The following CEP104 variants were observed in gnomAD, a reference collection of about 807,000 sequenced individuals.
CEP104 encodes the protein centrosomal protein of 104 kDa.
CEP104 carries 84 observed loss-of-function variants against 113.3 expected under a neutral mutation model. That is an observed-to-expected ratio of 0.74 (90% CI 0.62 to 0.89). The LOEUF (loss-of-function observed/expected upper bound fraction) is 0.89. CEP104 is among the 40% of genes least tolerant of loss of function. The probability of loss-of-function intolerance (pLI) is 0.00; values close to 1 mark genes in which losing one functional copy is unlikely to be tolerated. For missense variants in CEP104, 1,053 were observed against 1,156.6 expected, an observed-to-expected ratio of 0.91 and a Z score of 1.30; for synonymous variants, 378 against 421.7, an observed-to-expected ratio of 0.90 and a Z score of 1.27.
Position 3,819,254 on chromosome 1 carries a change from T to G in CEP104, c.2572-2884A>C, listed in dbSNP as rs979583114. Among the ~76,000 whole-genome samples, 1 of 152,124 alleles carries G rather than the reference T, an allele frequency of 6.6e-6. No individual in the cohort carries two copies. The highest frequency in any genetic ancestry group is 2.4e-5 in the African/African-American group (1 of 41,412). ...TGTCTGATTCCATTTACAGGAAATG[T>G]CCACAGTAGGCAAATCCATGGAGAC... On this transcript the variant is annotated intron_variant, in intron 20 of 21. Coordinates refer to ENST00000378230, the MANE Select transcript of CEP104 (RefSeq NM_014704.4). The surrounding 1 kb of genome is among the most constrained non-coding windows in gnomAD (Gnocchi z 4.6).
In CEP104 at chr1:3,813,608, T is replaced by C. The variant is rs1190931772; in HGVS notation, c.*1794A>G. The C allele has an allele frequency of 6.7e-6, 1 of 148,690 alleles. No individual in the cohort carries two copies. The highest frequency in any genetic ancestry group is 1.5e-5 in the Non-Finnish European group (1 of 67,254). The allele number at this position is 148,690 out of a possible 1,614,324, so 9.2% of individuals were successfully genotyped here. ...GCTCACGCCTGTAATCCCAGCACTT[T>C]GGGAGGCCAAGGTGGGCAGATTATG... On this transcript the variant is annotated 3_prime_UTR_variant, in exon 22 of 22. Coordinates refer to ENST00000378230, the MANE Select transcript of CEP104 (RefSeq NM_014704.4).
intron 14 of CEP104, 198 bp from the exon 15 acceptor site, chr1:3,829,571 C>G: frequency 1.5e-6 from 1 of 656,706 alleles, no homozygotes; most frequent in Non-Finnish European, 2.6e-6. Flanking sequence ...TCACGGCTAT[C>G]GTTATTCCGT....
chr1:3,839,509 G>A, intron 7 of CEP104, 99 bp downstream of exon 7: 1 of 1,123,562 alleles, frequency 8.9e-7, no homozygotes. Context: ...TAACTTCACG[G>A]CTTTTAGTAA....
intron 15 of CEP104, 56 bp downstream of exon 15, chr1:3,829,210 C>T (rs1644151474): frequency 4.2e-6 from 5 of 1,194,292 alleles, no homozygotes; most frequent in Non-Finnish European, 5.9e-6. Context: ...TGGATCTATA[C>T]AGCAAAATAC....
At chr1:3,843,669 C>T (rs1338708192) in intron 6 of CEP104, among the ~76,000 whole-genome samples, 2 of 151,376 alleles carry the variant, frequency 1.3e-5, no homozygotes, top group African/African-American at 2.4e-5. Flanking sequence ...GTTAACACGA[C>T]GAACTTTCCC....
In CEP104 at chr1:3,845,303, C is replaced by T. The variant is rs754892174; in HGVS notation, c.475G>A (p.Asp159Asn). ...NIIGDPADFS[D>N]ESNTASREKL... is the part of the protein sequence containing the mutation. ...TCCAAACTTACAGTATTGCTTTCATCACTGAAATCTGCAGGGTCTCCAATG... is the reference window on the plus strand; with the variant it reads ...TCCAAACTTACAGTATTGCTTTCATTACTGAAATCTGCAGGGTCTCCAATG... Residue 159 changes from aspartate to asparagine, a missense_variant, in exon 5 of 22, where the codon GAT (aspartate) becomes AAT (asparagine). By Grantham distance (23) the Asp-to-Asn change is conservative. Transcript: ENST00000378230. The T allele has an allele frequency of 1.9e-6, 3 of 1,606,802 alleles. No individual in the cohort carries two copies. The highest frequency in any genetic ancestry group is 2.2e-5 in the East Asian group (1 of 44,824).
intron 6 of CEP104, 45 bp from the exon 7 acceptor site, chr1:3,839,821 G>T (rs774516180): frequency 1.3e-6 from 2 of 1,518,526 alleles, no homozygotes; most frequent in Non-Finnish European, 1.8e-6. Flanking sequence ...TCACGCCCTA[G>T]GAGTTCAGTG....
Position 3,831,116 on chromosome 1 carries a change from C to A in CEP104, c.1766G>T (p.Gly589Val), listed in dbSNP as rs745307981. The change falls in exon 13 of 22, where the codon GGC becomes GTC. Residue 589 changes from glycine (G) to valine (V), a missense_variant. By Grantham distance (109) the Gly-to-Val change is moderately radical (BLOSUM62 -3). Coordinates refer to ENST00000378230, the MANE Select transcript of CEP104 (RefSeq NM_014704.4). ...SSVHLAMSQMGLLARLLKDLG... is the reference protein window; with the variant it reads ...SSVHLAMSQMVLLARLLKDLG... The stretch of plus-strand genomic sequence containing the variant: ...GTCTTTCAGCAGCCGGGCCAGGAGG[C>A]CCATCTGACTCATTGCCAGGTGAAC... 1 of 1,614,204 alleles carries A rather than the reference C, an allele frequency of 6.2e-7. No individual in the cohort carries two copies.
chr1:3,817,871 C>T (rs1004056885), intron 20 of CEP104, among the ~76,000 whole-genome samples: 5 of 152,344 alleles, frequency 3.3e-5, no homozygotes, highest in Non-Finnish European at 5.9e-5. Flanking sequence ...CTGCTGCTGT[C>T]GCGAGAACGC....
chr1:3,829,919 G>C lies in CEP104; in HGVS notation c.1915C>G (p.Gln639Glu). ...TACTCCAGGATGGAAGCCTGGTGCTGTCTGTACATGTCCAAAATAATTCGA... is the reference window on the plus strand; with the variant it reads ...TACTCCAGGATGGAAGCCTGGTGCTCTCTGTACATGTCCAAAATAATTCGA... ...AVRIILDMYR[Q>E]HQASILEYLP... The change falls in exon 14 of 22, where the codon CAG (glutamine) becomes GAG (glutamate). Residue 639 changes from glutamine to glutamate, a missense_variant. By Grantham distance (29) the Gln-to-Glu change is conservative. Coordinates refer to ENST00000378230, the MANE Select transcript of CEP104 (RefSeq NM_014704.4). 6.2e-7 allele frequency: 1 copy of C among 1,614,174 alleles called. No homozygotes were observed. The highest frequency in any genetic ancestry group is 8.5e-7 in the Non-Finnish European group (1 of 1,180,030).
intron 1 of CEP104, among the ~76,000 whole-genome samples, chr1:3,855,348 CTTT>C (rs60855655): frequency 8.1e-4 from 104 of 128,894 alleles, no homozygotes; most frequent in Middle Eastern, 3.9e-3. Flanking sequence ...TGCACAGCTA[CTTT>C]TTTTTTTTTT....
At chr1:3,841,520 T>C (rs1486841100) in intron 6 of CEP104, among the ~76,000 whole-genome samples, 1 of 152,252 alleles carries the variant, frequency 6.6e-6, no homozygotes, top group Admixed American at 6.5e-5. Flanking sequence ...AAGACTTCAT[T>C]TGATTATAAA....
At chr1:3,831,669 T>C (rs1420515633) in intron 12 of CEP104, among the ~76,000 whole-genome samples, 4 of 152,130 alleles carry the variant, frequency 2.6e-5, no homozygotes, top group Non-Finnish European at 1.5e-5. Context: ...TGGGTTAAGA[T>C]GGAAAAAATG....
At chr1:3,851,599 G>A (rs2124698847) in intron 2 of CEP104, among the ~76,000 whole-genome samples, 1 of 152,258 alleles carries the variant, frequency 6.6e-6, no homozygotes, top group African/African-American at 2.4e-5. Context: ...GACCAAAGCA[G>A]CAGAGGCAAA....
At chr1:3,850,914 G>A (rs997628496) in intron 2 of CEP104, among the ~76,000 whole-genome samples, 2 of 152,240 alleles carry the variant, frequency 1.3e-5, no homozygotes, top group African/African-American at 4.8e-5. Context: ...GTATACTTGA[G>A]AATCTTCAAT....
In CEP104 at chr1:3,839,755, CG is replaced by C; in HGVS notation, c.587del (p.Pro196ArgfsTer2). ...ACATATCAAAAGCTAAGTCATCTAGCGGAGAGATATAGTCAGATTTCCTAAA... is the reference window on the plus strand; with the variant it reads ...ACATATCAAAAGCTAAGTCATCTAGCGAGAGATATAGTCAGATTTCCTAAA... The part of the protein sequence containing the change: ...TYARKSDYIS[P>X]LDDLAFDMYQ... On this transcript the variant is annotated frameshift_variant, in exon 7 of 22. Coordinates refer to ENST00000378230, the MANE Select transcript of CEP104 (RefSeq NM_014704.4). LOFTEE classifies it high-confidence loss of function. 6.2e-7 allele frequency: 1 copy of C among 1,612,196 alleles called. No homozygotes were observed. Among genetic ancestry groups the C allele is most frequent in the Non-Finnish European group, 8.5e-7 (1 of 1,179,506 alleles).
Position 3,815,563 on chromosome 1 carries a change from C to T in CEP104, c.2663-46G>A, listed in dbSNP as rs377546546. 9 of 1,376,004 alleles carry T rather than the reference C, an allele frequency of 6.5e-6. No individual in the cohort carries two copies. The Admixed American group carries it at 8.9e-5, about 14-fold the overall frequency. 85.2% of individuals were successfully genotyped at this position (1,376,004 alleles called of 1,614,324 possible). A position where few individuals can be genotyped will look rare whatever the true frequency, so the allele number is the denominator to read the frequency against. On this transcript the variant is annotated intron_variant, in intron 21 of 21. Coordinates refer to ENST00000378230, the MANE Select transcript of CEP104 (RefSeq NM_014704.4). ...CTGCATTAGGAGGGGCACTCCTACC[C>T]ACGGACCAGGTGCAGAACCTGTGGC... is the stretch of plus-strand genomic sequence containing the variant.
At position 3,839,768 on chromosome 1, in the gene CEP104, T is replaced by G; in HGVS notation, c.575A>C (p.Asp192Ala). Reference sequence around the variant, plus strand: ...TAAGTCATCTAGCGGAGAGATATAGTCAGATTTCCTAAAGGGAAGAAATGC... The same window carrying G: ...TAAGTCATCTAGCGGAGAGATATAGGCAGATTTCCTAAAGGGAAGAAATGC... Reference protein sequence around the residue: ...ALEGTYARKSDYISPLDDLAF... With the variant: ...ALEGTYARKSAYISPLDDLAF... Residue 192 changes from aspartate to alanine, a missense_variant, in exon 7 of 22, where the codon GAC (aspartate) becomes GCC (alanine). Physicochemically the swap from Asp to Ala is moderately radical, Grantham distance 126. Transcript: ENST00000378230. 6.2e-7 allele frequency: 1 copy of G among 1,609,424 alleles called. No individual in the cohort carries two copies. Among genetic ancestry groups the G allele is most frequent in the Non-Finnish European group, 8.5e-7 (1 of 1,178,698 alleles).
At chr1:3,827,225 TATC>T (rs1358215755) in intron 15 of CEP104, among the ~76,000 whole-genome samples, 1 of 152,120 alleles carries the variant, frequency 6.6e-6, no homozygotes, top group African/African-American at 2.4e-5. Flanking sequence ...TTGTTCTTAT[TATC>T]ATTATTTTTA....
Sources: gnomAD v4.1 joint callset for allele counts (sites outside exome capture counted in the v4.1 genomes callset) on GRCh38, gnomAD v4.1.1 for gene constraint, Gnocchi (gnomAD v3.1) non-coding constraint, MANE v1.5 for transcripts, NCBI Gene and HGNC (gene_info 2026-07-23, HGNC 2026-07-21) for gene names.